Variants in PSMG2 observed in about 807,000 individuals in gnomAD.
PSMG2 encodes proteasome assembly chaperone 2.
PSMG2 carries 21 observed loss-of-function variants against 31.5 expected under a neutral mutation model. The observed-to-expected ratio is 0.67, with a 90% confidence interval of 0.47 to 0.96. The LOEUF is 0.96. PSMG2 is among the 40% of genes least tolerant of loss of function. The pLI is 0.00. For synonymous variants in PSMG2, 120 were observed against 110.4 expected, an observed-to-expected ratio of 1.09 and a Z score of -0.54; for missense variants, 318 against 321.2, an observed-to-expected ratio of 0.99 and a Z score of 0.08.
At chr18:12,702,729 C>T (rs1393157687), upstream of PSMG2, 6 of 658,346 alleles carry the variant, frequency 9.1e-6, no homozygotes, top group Admixed American at 3.3e-5. Flanking sequence ...GAAATGAGGC[C>T]CCGGCGGCGG....
intron 2 of PSMG2, among the ~76,000 whole-genome samples, chr18:12,706,930 G>C (rs1316545899): frequency 4.0e-5 from 6 of 151,816 alleles, no homozygotes; most frequent in Non-Finnish European, 7.4e-5. Context: ...TACGAAGGTT[G>C]AGAATAAGAT....
chr18:12,698,026 G>A (rs2040015285), intron 1 of PSMG2, among the ~76,000 whole-genome samples: 2 of 151,724 alleles, frequency 1.3e-5, no homozygotes, highest in Non-Finnish European at 2.9e-5. Context: ...GAAACATAGT[G>A]TAAAACAATT....
At chr18:12,706,023 T>C (rs1400248883) in intron 1 of PSMG2, among the ~76,000 whole-genome samples, 3 of 152,238 alleles carry the variant, frequency 2.0e-5, no homozygotes, top group African/African-American at 7.2e-5. Context: ...AGAGCAACAA[T>C]TGACATATAG....
chr18:12,710,171 T>A (rs566221175), intron 2 of PSMG2, among the ~76,000 whole-genome samples: 10 of 149,594 alleles, frequency 6.7e-5, no homozygotes, highest in Admixed American at 4.0e-4. Context: ...CTCCATCTGC[T>A]GACCTCATGA....
chr18:12,681,208 A>C (rs1451749303), intron 1 of PSMG2, among the ~76,000 whole-genome samples: 4 of 151,858 alleles, frequency 2.6e-5, no homozygotes, highest in Non-Finnish European at 2.9e-5. Context: ...CAAAAAAAAA[A>C]AAAAATGTTT....
intron 1 of PSMG2, chr18:12,686,313 T>A: frequency 6.2e-7 from 1 of 1,614,006 alleles, no homozygotes. Context: ...CCTGTTTACC[T>A]CCTCCTCCAA....
At chr18:12,658,762 C>G (rs2038634220) in exon 1 of PSMG2, 1 of 367,364 alleles carries the variant, frequency 2.7e-6, no homozygotes, top group South Asian at 2.0e-5. Flanking sequence ...CCTCTCCACT[C>G]CCATCTTCAG....
intron 1 of PSMG2, among the ~76,000 whole-genome samples, chr18:12,676,697 T>C (rs574345639): frequency 6.6e-6 from 1 of 152,302 alleles, no homozygotes; most frequent in East Asian, 1.9e-4. Context: ...TCCAGCAATA[T>C]AATGGACCAG....
upstream of PSMG2, chr18:12,699,844 G>T (rs544249290): frequency 1.3e-6 from 2 of 1,567,696 alleles, no homozygotes; most frequent in African/African-American, 1.4e-5. Flanking sequence ...TTTTAATGTC[G>T]ATTGTCTATC....
chr18:12,673,512 G>GAA, intron 1 of PSMG2: 6 of 1,502,728 alleles, frequency 4.0e-6, no homozygotes, highest in Admixed American at 2.4e-5. Flanking sequence ...ATCTATTTAA[G>GAA]AAAAAAAAAA....
chr18:12,677,721 A>C (rs1051279745), intron 1 of PSMG2, among the ~76,000 whole-genome samples: 8 of 152,116 alleles, frequency 5.3e-5, no homozygotes, highest in African/African-American at 1.9e-4. Context: ...AGCCTCCCAA[A>C]GTGCTGGGGT....
In PSMG2 at chr18:12,687,853, T is replaced by C. The variant is rs145876697; in HGVS notation, c.-36-18697T>C. On this transcript the variant is annotated intron_variant, in intron 1 of 6. Coordinates refer to the PSMG2 transcript ENST00000585331. ...TACATGAACTTAGCATTACTAATAA[T>C]CTAGTGTGGTATAAGAATACTAAGT... is the stretch of plus-strand genomic sequence containing the variant. Among the ~76,000 whole-genome samples, 159 of 152,202 alleles carry C rather than the reference T, an allele frequency of 1.0e-3. 1 individual carries two copies. The highest frequency in any genetic ancestry group is 3.7e-3 in the African/African-American group (152 of 41,544).
rs9957880 is a variant in PSMG2 at position 12,676,350 on chromosome 18, C to A, written c.-37+17577C>A. On this transcript the variant is annotated intron_variant, in intron 1 of 6. Transcript: ENST00000585331. Reference sequence around the variant, plus strand: ...CCAGGCTGGAGTGCAGTGGCACAATCTCGGCTCACTGCAACCTCTGCCTCC... The same window carrying A: ...CCAGGCTGGAGTGCAGTGGCACAATATCGGCTCACTGCAACCTCTGCCTCC... Among the ~76,000 whole-genome samples, 3 of 143,376 alleles carry A rather than the reference C, an allele frequency of 2.1e-5. No homozygotes were observed. The East Asian group carries it at 6.4e-4, about 31-fold the overall frequency. The allele number at this position is 143,376 out of a possible 152,430, so 94.1% of individuals were successfully genotyped here.
intron 1 of PSMG2, among the ~76,000 whole-genome samples, chr18:12,689,019 C>T (rs2039650906): frequency 6.6e-6 from 1 of 152,130 alleles, no homozygotes; most frequent in Non-Finnish European, 1.5e-5. Context: ...GAGGCTGAGG[C>T]AGGAGAATCA....
upstream of PSMG2, chr18:12,699,228 A>T: frequency 1.4e-6 from 2 of 1,452,892 alleles, no homozygotes; most frequent in South Asian, 1.2e-5. Context: ...AATATATATG[A>T]GGAAACTGCC....
chr18:12,664,047 C>T (rs2038753934), intron 1 of PSMG2, among the ~76,000 whole-genome samples: 1 of 152,184 alleles, frequency 6.6e-6, no homozygotes, highest in Non-Finnish European at 1.5e-5. Flanking sequence ...GCCTGTAATC[C>T]CAGCTACTTA....
Position 12,703,063 on chromosome 18 carries a change from T to C in PSMG2, c.-45T>C. The C allele has an allele frequency of 6.3e-7, 1 of 1,597,898 alleles. No individual in the cohort carries two copies. Among genetic ancestry groups the C allele is most frequent in the Non-Finnish European group, 8.5e-7 (1 of 1,171,848 alleles). On this transcript the variant is annotated 5_prime_UTR_variant, in exon 1 of 7. Coordinates refer to ENST00000317615, the MANE Select transcript of PSMG2 (RefSeq NM_020232.5). ...TTCCGCCTTCTTGCTGCCCTCGTTC[T>C]TGCCAGGGCCGCGGTTAGTCCCTGC...
At chr18:12,690,556 C>T (rs1202109179) in intron 1 of PSMG2, among the ~76,000 whole-genome samples, 2 of 151,702 alleles carry the variant, frequency 1.3e-5, no homozygotes, top group Non-Finnish European at 2.9e-5. Flanking sequence ...CCCGGGTTCA[C>T]GCCATTCTCC....
intron 1 of PSMG2, chr18:12,674,445 A>C: frequency 1.3e-6 from 1 of 754,138 alleles, no homozygotes; most frequent in East Asian, 3.2e-5. Context: ...TTGAGTTAAA[A>C]AAAAAAAAAA....
Sources: allele counts gnomAD v4.1 joint callset (sites outside exome capture counted in the v4.1 genomes callset), GRCh38; gene constraint gnomAD v4.1.1; transcripts MANE v1.5; gene names NCBI Gene and HGNC (gene_info 2026-07-23, HGNC 2026-07-21).